The following ELAVL4 variants were observed in gnomAD, a reference collection of about 807,000 sequenced individuals.
ELAVL4 encodes ELAV like RNA binding protein 4.
ELAVL4 carries 1 observed loss-of-function variant against 35.6 expected under a neutral mutation model. The ratio of observed to expected loss-of-function variants is 0.03; its 90% CI spans 0.01 to 0.13. The LOEUF is 0.13. ELAVL4 is among the 10% of genes least tolerant of loss of function. ELAVL4 has a pLI of 1.00. For synonymous variants in ELAVL4, 156 were observed against 171.0 expected (o/e 0.91, Z 0.69); for missense variants, 267 against 464.9 (o/e 0.57, Z 3.91).
intron 1 of ELAVL4, among the ~76,000 whole-genome samples, chr1:50,134,235 G>A (rs1256747178): frequency 1.3e-5 from 2 of 152,136 alleles, no homozygotes; most frequent in Non-Finnish European, 2.9e-5. Context: ...TGAGCCACTA[G>A]CCAGGCATTT....
upstream of ELAVL4, among the ~76,000 whole-genome samples, chr1:50,107,299 T>G (rs149361782): frequency 6.4e-4 from 97 of 152,344 alleles, 1 homozygote; most frequent in East Asian, 0.015. Flanking sequence ...CCTTAAGGAA[T>G]TATAGTTTTA....
intron 3 of ELAVL4, chr1:50,180,404 T>C (rs1680836799): frequency 6.6e-6 from 1 of 152,168 alleles, no homozygotes; most frequent in Admixed American, 6.5e-5. Context: ...TGTGGTCCCA[T>C]TTCTGATAAG....
intron 3 of ELAVL4, among the ~76,000 whole-genome samples, chr1:50,187,511 A>C (rs1359971417): frequency 2.0e-5 from 3 of 152,196 alleles, no homozygotes; most frequent in African/African-American, 7.2e-5. Flanking sequence ...GTCAGGTTTC[A>C]AGTCCACATC....
chr1:50,133,599 A>AAAGAAAGAAAGAAAG (rs1460308549), intron 1 of ELAVL4, among the ~76,000 whole-genome samples: 2 of 129,178 alleles, frequency 1.5e-5, no homozygotes, highest in Non-Finnish European at 3.3e-5. Flanking sequence ...AGAAAGAAAG[A>AAAGAAAGAAAGAAAG]AAAGAAAGAA....
At chr1:50,150,221 C>A (rs923391601) in intron 2 of ELAVL4, among the ~76,000 whole-genome samples, 1 of 152,130 alleles carries the variant, frequency 6.6e-6, no homozygotes. Context: ...TAGAGTTGTA[C>A]CCCAATGGAC....
At chr1:50,162,195 A>G (rs957761804) in intron 2 of ELAVL4, among the ~76,000 whole-genome samples, 1 of 152,222 alleles carries the variant, frequency 6.6e-6, no homozygotes, top group Non-Finnish European at 1.5e-5. Flanking sequence ...AATGTTTAGT[A>G]TACTGACTGG....
chr1:50,104,013 A>G, upstream of ELAVL4: 1 of 1,613,984 alleles, frequency 6.2e-7, no homozygotes. Flanking sequence ...CTGTTTAGCC[A>G]CATCACTGGA....
At chr1:50,119,566 G>C (rs190714432) in intron 1 of ELAVL4, among the ~76,000 whole-genome samples, 13 of 151,972 alleles carry the variant, frequency 8.6e-5, no homozygotes, top group Admixed American at 7.2e-4. Flanking sequence ...AGTTTTTCAT[G>C]AGAAGAAAAA....
At chr1:50,107,584 T>G (rs551508550), upstream of ELAVL4, among the ~76,000 whole-genome samples, 98 of 152,332 alleles carry the variant, frequency 6.4e-4, no homozygotes, top group Non-Finnish European at 1.2e-3. Flanking sequence ...CCCAGAAATA[T>G]AGCTTATTTT....
At chr1:50,163,548 C>T (rs767700818) in intron 2 of ELAVL4, among the ~76,000 whole-genome samples, 25 of 151,934 alleles carry the variant, frequency 1.6e-4, no homozygotes, top group Non-Finnish European at 3.2e-4. Context: ...GCTCTCTCGC[C>T]GGGTGCAGTG....
At chr1:50,123,037 G>T (rs1669291029) in intron 1 of ELAVL4, among the ~76,000 whole-genome samples, 1 of 152,008 alleles carries the variant, frequency 6.6e-6, no homozygotes, top group Admixed American at 6.6e-5. Context: ...TGTGAGAAGT[G>T]GGATTCAGAC....
At chr1:50,089,368 T>A (rs1012278833) in intron 1 of ELAVL4, among the ~76,000 whole-genome samples, 4 of 152,222 alleles carry the variant, frequency 2.6e-5, no homozygotes, top group African/African-American at 9.6e-5. Flanking sequence ...GGATGATCTC[T>A]GTACCTTCTA....
At chr1:50,084,402 A>G (rs989199402) in intron 1 of ELAVL4, among the ~76,000 whole-genome samples, 1 of 152,146 alleles carries the variant, frequency 6.6e-6, no homozygotes, top group African/African-American at 2.4e-5. Context: ...ATACTGTCCC[A>G]CATAACCACT....
intron 1 of ELAVL4, among the ~76,000 whole-genome samples, chr1:50,095,429 A>G (rs1279173960): frequency 2.6e-5 from 4 of 151,972 alleles, no homozygotes; most frequent in African/African-American, 9.7e-5. Context: ...TATAAAAAAG[A>G]AAAAAAAGGT....
At chr1:50,111,353 C>T (rs1460407601) in intron 1 of ELAVL4, among the ~76,000 whole-genome samples, 1 of 151,380 alleles carries the variant, frequency 6.6e-6, no homozygotes, top group African/African-American at 2.4e-5. Flanking sequence ...ATGAAGTTGA[C>T]GGAAGCATAA....
intron 3 of ELAVL4, among the ~76,000 whole-genome samples, chr1:50,178,358 G>A (rs1680440502): frequency 6.6e-6 from 1 of 152,210 alleles, no homozygotes. Flanking sequence ...CCAACATCCA[G>A]CCTGATAGAG....
intron 1 of ELAVL4, among the ~76,000 whole-genome samples, chr1:50,072,146 G>T (rs1664558354): frequency 6.6e-6 from 1 of 152,188 alleles, no homozygotes; most frequent in Non-Finnish European, 1.5e-5. Context: ...CATGAGTGCA[G>T]TGAGTAAGAA....
At chr1:50,098,089 G>A (rs1332579861) in intron 1 of ELAVL4, among the ~76,000 whole-genome samples, 1 of 152,086 alleles carries the variant, frequency 6.6e-6, no homozygotes, top group Non-Finnish European at 1.5e-5. Context: ...TTGAAGGCTA[G>A]CAAAATTTTT....
intron 1 of ELAVL4, among the ~76,000 whole-genome samples, chr1:50,065,426 G>T (rs1664212801): frequency 6.6e-6 from 1 of 152,178 alleles, no homozygotes; most frequent in Admixed American, 6.5e-5. Context: ...CCCATTGTTT[G>T]CTAGCTGTGC....
Sources: allele counts gnomAD v4.1 joint callset (sites outside exome capture counted in the v4.1 genomes callset), GRCh38; gene constraint gnomAD v4.1.1; transcripts MANE v1.5; gene names NCBI Gene and HGNC (gene_info 2026-07-23, HGNC 2026-07-21).